Variants in SH3RF2 observed in about 807,000 individuals in gnomAD.
SH3RF2 encodes SH3 domain containing ring finger 2.
SH3RF2 carries 43 observed loss-of-function variants against 59.0 expected under a neutral mutation model. The observed-to-expected ratio is 0.73, with a 90% CI of 0.57 to 0.94. The LOEUF is 0.94. SH3RF2 is among the 40% of genes least tolerant of loss of function. The pLI, the probability that SH3RF2 is intolerant of heterozygous loss-of-function variation, is 0.00. For missense variants in SH3RF2, 930 were observed against 940.1 expected (o/e 0.99, Z 0.14); for synonymous variants, 391 against 391.5 (o/e 1.00, Z 0.01).
intron 2 of SH3RF2, among the ~76,000 whole-genome samples, chr5:145,941,833 T>C (rs1757826294): frequency 6.6e-6 from 1 of 152,190 alleles, no homozygotes; most frequent in Non-Finnish European, 1.5e-5. Context: ...ATAAGTGAGA[T>C]GATTCATGTC....
chr5:146,030,577 G>C (rs1009172076), intron 5 of SH3RF2, among the ~76,000 whole-genome samples: 12 of 152,134 alleles, frequency 7.9e-5, no homozygotes, highest in Admixed American at 3.3e-4. Context: ...GTCACTAGGA[G>C]GACTAACCCC....
chr5:146,004,130 A>G lies in SH3RF2; in HGVS notation c.721A>G (p.Ile241Val), dbSNP rs749703959. ...AGGCAAGTTAGGAGATAAAGTAGGCATCTTCCCTATCTTGTTTGTAGAGGT... is the reference window on the plus strand; with the variant it reads ...AGGCAAGTTAGGAGATAAAGTAGGCGTCTTCCCTATCTTGTTTGTAGAGGT... ...AEGKLGDKVG[I>V]FPILFVEPNL... Residue 241 changes from isoleucine (I) to valine (V), a missense_variant, in exon 4 of 10, where the codon ATC becomes GTC. Transcript: ENST00000359120. The G allele has an allele frequency of 6.2e-7, 1 of 1,612,684 alleles. No individual in the cohort carries two copies.
intron 4 of SH3RF2, among the ~76,000 whole-genome samples, chr5:146,005,458 T>C (rs1760604939): frequency 6.6e-6 from 1 of 152,198 alleles, no homozygotes; most frequent in East Asian, 1.9e-4. Flanking sequence ...CCAATTCTTC[T>C]AGTCATAAGA....
At chr5:145,954,043 G>C (rs1234200923) in intron 2 of SH3RF2, among the ~76,000 whole-genome samples, 2 of 152,160 alleles carry the variant, frequency 1.3e-5, no homozygotes, top group East Asian at 3.8e-4. Flanking sequence ...CTTTGTGGTA[G>C]ATGCTTTATA....
chr5:145,967,890 C>A (rs1020875782), intron 2 of SH3RF2, among the ~76,000 whole-genome samples: 3 of 152,128 alleles, frequency 2.0e-5, no homozygotes, highest in Non-Finnish European at 4.4e-5. Flanking sequence ...AAACTCCTGA[C>A]CTCAAGTGAT....
At chr5:145,961,168 ATCC>A in intron 2 of SH3RF2, among the ~76,000 whole-genome samples, 1 of 140,222 alleles carries the variant, frequency 7.1e-6, no homozygotes, top group African/African-American at 2.8e-5. Flanking sequence ...GCATTCCTGC[ATCC>A]TCCTTTTTTT....
intron 5 of SH3RF2, among the ~76,000 whole-genome samples, chr5:146,046,499 G>A (rs1762309768): frequency 6.6e-6 from 1 of 152,166 alleles, no homozygotes; most frequent in Non-Finnish European, 1.5e-5. Context: ...ATTTACTCTG[G>A]ATGGCATGGA....
intron 2 of SH3RF2, among the ~76,000 whole-genome samples, chr5:145,991,370 A>C (rs1276820127): frequency 6.6e-6 from 1 of 152,204 alleles, no homozygotes; most frequent in Non-Finnish European, 1.5e-5. Flanking sequence ...CAATAATGTA[A>C]GAAAAATGTC....
intron 4 of SH3RF2, among the ~76,000 whole-genome samples, chr5:146,010,213 C>T (rs1300350595): frequency 6.6e-6 from 1 of 152,114 alleles, no homozygotes; most frequent in Admixed American, 6.6e-5. Flanking sequence ...TGAACTCATC[C>T]TTTTTTATGG....
chr5:146,078,087 A>T (rs1561778536), intron 9 of SH3RF2, among the ~76,000 whole-genome samples: 1 of 152,076 alleles, frequency 6.6e-6, no homozygotes. Context: ...TTATGGAATT[A>T]AAAAAAATAA....
chr5:146,026,391 A>G (rs1400708672), intron 5 of SH3RF2, among the ~76,000 whole-genome samples: 1 of 152,250 alleles, frequency 6.6e-6, no homozygotes, highest in Non-Finnish European at 1.5e-5. Context: ...TTAACTGTAT[A>G]GCCCTGGACA....
At chr5:146,023,006 C>A (rs773335481) in intron 5 of SH3RF2, among the ~76,000 whole-genome samples, 13 of 151,776 alleles carry the variant, frequency 8.6e-5, no homozygotes, top group Non-Finnish European at 1.8e-4. Flanking sequence ...CAAATGGGAA[C>A]AAAATGAATT....
chr5:146,013,652 G>C, intron 4 of SH3RF2, 95 bp from the exon 5 acceptor site: 2 of 1,328,266 alleles, frequency 1.5e-6, no homozygotes, highest in South Asian at 1.3e-5. Context: ...TGAGGAGGTG[G>C]CACCTGACCT....
At chr5:146,058,622 G>C (rs1762767751) in intron 8 of SH3RF2, among the ~76,000 whole-genome samples, 1 of 152,164 alleles carries the variant, frequency 6.6e-6, no homozygotes, top group African/African-American at 2.4e-5. Context: ...AGTCCTTGGA[G>C]TGTCACAAAG....
intron 5 of SH3RF2, among the ~76,000 whole-genome samples, chr5:146,044,097 C>T (rs1023840443): frequency 6.6e-6 from 1 of 151,932 alleles, no homozygotes; most frequent in African/African-American, 2.4e-5. Flanking sequence ...GTTGCAGGTG[C>T]TCCACATCCT....
At chr5:146,079,993 T>G (rs772404266) in exon 10 of SH3RF2, 11 of 152,222 alleles carry the variant, frequency 7.2e-5, no homozygotes, top group Non-Finnish European at 1.6e-4. Flanking sequence ...TCTGGGAACT[T>G]TCCATGAGGT....
chr5:146,047,014 C>T (rs1319622931), intron 5 of SH3RF2, among the ~76,000 whole-genome samples: 2 of 152,144 alleles, frequency 1.3e-5, no homozygotes, highest in Non-Finnish European at 2.9e-5. Flanking sequence ...AGCTCAGCTT[C>T]CCAAAGTGCT....
rs773322085 is a variant in SH3RF2, at chr5:146,060,159, C to T, written c.1849C>T (p.Pro617Ser). 13 of 1,613,956 alleles carry T rather than the reference C, an allele frequency of 8.1e-6. No homozygotes were observed. The East Asian group carries it at 2.9e-4, about 36-fold the overall frequency. ...CATCAAGAGTGAGCCTCTGCCAAAACCGCCCGCATCTGCCCCACCATCCAT... is the reference window on the plus strand; with the variant it reads ...CATCAAGAGTGAGCCTCTGCCAAAATCGCCCGCATCTGCCCCACCATCCAT... ...IPIKSEPLPK[P>S]PASAPPSILV... is the part of the protein sequence containing the mutation. The change falls in exon 9 of 10, where the codon CCG becomes TCG. Residue 617 changes from proline (P) to serine (S), a missense_variant. Transcript: ENST00000359120.
In SH3RF2 at chr5:146,049,161, G is replaced by T. The variant is rs748569627; in HGVS notation, c.1238G>T (p.Cys413Phe). The change falls in exon 7 of 10, where the codon TGC (cysteine) becomes TTC (phenylalanine). Residue 413 changes from cysteine (C) to phenylalanine (F), a missense_variant. By Grantham distance (205) the Cys-to-Phe change is radical. Transcript: ENST00000359120. ...GAAGGCGTCAGGGTCCTGGGGAAGT[G>T]CCAGGACGGCTGGCTCAGGGGCGTC... is the stretch of plus-strand genomic sequence containing the variant. ...KGEGVRVLGK[C>F]QDGWLRGVSL... 3 of 1,614,050 alleles carry T rather than the reference G, an allele frequency of 1.9e-6. No individual in the cohort carries two copies. The highest frequency in any genetic ancestry group is 1.7e-6 in the Non-Finnish European group (2 of 1,180,034).
Sources: allele counts gnomAD v4.1 joint callset (sites outside exome capture counted in the v4.1 genomes callset), GRCh38; gene constraint gnomAD v4.1.1; transcripts MANE v1.5; gene names NCBI Gene and HGNC (gene_info 2026-07-23, HGNC 2026-07-21).